The following PLPP3 variants were observed in gnomAD, a reference collection of about 807,000 sequenced individuals.
PLPP3 encodes phospholipid phosphatase 3.
Under a neutral mutation model 29.6 loss-of-function variants are expected in PLPP3, and 6 were observed. The observed-to-expected ratio is 0.20, with a 90% CI of 0.11 to 0.40. The LOEUF (loss-of-function observed/expected upper bound fraction) is 0.40. PLPP3 is among the 10% of genes least tolerant of loss of function. The pLI is 1.00. For synonymous variants in PLPP3, 152 were observed against 159.7 expected (o/e 0.95, Z 0.36); for missense variants, 308 against 407.7 (o/e 0.76, Z 2.11).
chr1:56,574,905 T>C (rs1381855205), intron 1 of PLPP3, among the ~76,000 whole-genome samples: 1 of 152,224 alleles, frequency 6.6e-6, no homozygotes, highest in Non-Finnish European at 1.5e-5. Flanking sequence ...CACTGAAAGA[T>C]GGTCTAGTTC....
At chr1:56,541,926 G>A (rs1014189525) in intron 1 of PLPP3, among the ~76,000 whole-genome samples, 4 of 145,356 alleles carry the variant, frequency 2.8e-5, no homozygotes, top group Non-Finnish European at 6.0e-5. Context: ...AAATGTATTC[G>A]TAATAAAAGG....
intron 1 of PLPP3, among the ~76,000 whole-genome samples, chr1:56,549,235 T>C (rs1468714266): frequency 6.6e-6 from 1 of 152,158 alleles, no homozygotes; most frequent in East Asian, 1.9e-4. Context: ...GGCCGTTCTT[T>C]TTGCCTACTG....
chr1:56,511,959 G>C lies in PLPP3; in HGVS notation c.810+17C>G. 1 of 1,612,650 alleles carries C rather than the reference G, an allele frequency of 6.2e-7. No homozygotes were observed. Among genetic ancestry groups the C allele is most frequent in the Non-Finnish European group, 8.5e-7 (1 of 1,179,182 alleles). Reference sequence around the variant, plus strand: ...TCCAGGGCTCCACTTGCATATTGAGGACAAGATGCTACTTACTATGCAGCA... The same window carrying C: ...TCCAGGGCTCCACTTGCATATTGAGCACAAGATGCTACTTACTATGCAGCA... On this transcript the variant is annotated intron_variant, in intron 5 of 5. Transcript: ENST00000371250.
intron 1 of PLPP3, chr1:56,538,555 A>C: frequency 2.6e-6 from 1 of 385,172 alleles, no homozygotes; most frequent in Non-Finnish European, 5.1e-6. Context: ...AGAATCTATG[A>C]GAAAGGTGAT....
chr1:56,578,835 G>A (rs755769270), intron 1 of PLPP3, 43 bp downstream of exon 1: 46 of 1,495,268 alleles, frequency 3.1e-5, no homozygotes, highest in Middle Eastern at 3.9e-4. Context: ...CGCGCCGAGG[G>A]ACGAGGGGCC....
At position 56,495,227 on chromosome 1, in the gene PLPP3, A is replaced by G. The variant is rs1050189370; in HGVS notation, c.*1324T>C. The G allele has an allele frequency of 3.9e-5, 6 of 152,634 alleles. No homozygotes were observed. Among genetic ancestry groups the G allele is most frequent in the African/African-American group, 1.2e-4 (5 of 41,458 alleles). The allele number at this position is 152,634 out of a possible 1,614,324, so 9.5% of individuals were successfully genotyped here. ...AAGGATGTGCATGTGGTTGATCCAT[A>G]TGGTTACATTTAACCCTTTGAAAGG... On this transcript the variant is annotated 3_prime_UTR_variant, in exon 6 of 6. Transcript: ENST00000371250.
At chr1:56,551,443 CA>C (rs1277471199) in intron 1 of PLPP3, among the ~76,000 whole-genome samples, 2 of 152,096 alleles carry the variant, frequency 1.3e-5, no homozygotes, top group African/African-American at 4.8e-5. Context: ...ATCTTCAAGA[CA>C]GGTCCTGCAG....
At chr1:56,507,874 G>T (rs1180665984) in intron 5 of PLPP3, among the ~76,000 whole-genome samples, 1 of 152,158 alleles carries the variant, frequency 6.6e-6, no homozygotes, top group Non-Finnish European at 1.5e-5. Context: ...GAGAGAGGGA[G>T]AAGTGAAGAT....
intron 5 of PLPP3, among the ~76,000 whole-genome samples, chr1:56,505,932 G>A (rs1036551506): frequency 6.6e-6 from 1 of 152,106 alleles, no homozygotes; most frequent in East Asian, 1.9e-4. Context: ...ATCTATTGGC[G>A]GCCAAAGTTT....
chr1:56,532,645 A>C (rs1255053590), intron 2 of PLPP3, among the ~76,000 whole-genome samples: 3 of 152,156 alleles, frequency 2.0e-5, no homozygotes, highest in African/African-American at 7.2e-5. Context: ...TGAGATTTTA[A>C]GGAAGAAAAC....
At chr1:56,517,297 G>A (rs553748054) in intron 4 of PLPP3, among the ~76,000 whole-genome samples, 3 of 152,192 alleles carry the variant, frequency 2.0e-5, no homozygotes, top group Non-Finnish European at 4.4e-5. Context: ...CATGTGCCTG[G>A]TGGGTAGCTT....
intron 1 of PLPP3, among the ~76,000 whole-genome samples, chr1:56,559,308 A>G (rs1646105665): frequency 6.6e-6 from 1 of 152,254 alleles, no homozygotes; most frequent in African/African-American, 2.4e-5. Flanking sequence ...ATACCTGTGC[A>G]TTCAAAATAA....
rs374973563 is a variant in PLPP3 at position 56,551,379 on chromosome 1, A to G, written c.140-14267T>C. Among the ~76,000 whole-genome samples, 28 of 148,476 alleles carry G rather than the reference A, an allele frequency of 1.9e-4. No homozygotes were observed. The East Asian group carries it at 2.9e-3, about 15-fold the overall frequency. On this transcript the variant is annotated intron_variant, in intron 1 of 5. Transcript: ENST00000371250. ...AAGTCCCTCCCCTTCCACCTCTGCCAAGTCCTGGCAGTGTGATACTTGATT... is the reference window on the plus strand; with the variant it reads ...AAGTCCCTCCCCTTCCACCTCTGCCGAGTCCTGGCAGTGTGATACTTGATT...
chr1:56,501,065 C>T (rs999541235), intron 5 of PLPP3, among the ~76,000 whole-genome samples: 22 of 138,762 alleles, frequency 1.6e-4, no homozygotes, highest in African/African-American at 6.0e-4. Context: ...GAGACGGAGT[C>T]AAAAAGCATG....
intron 1 of PLPP3, among the ~76,000 whole-genome samples, chr1:56,537,707 A>G (rs1028513804): frequency 2.6e-5 from 4 of 151,518 alleles, no homozygotes; most frequent in Admixed American, 2.0e-4. Flanking sequence ...CCTCTAGCAC[A>G]GTGCCTGGCA....
intron 5 of PLPP3, among the ~76,000 whole-genome samples, chr1:56,511,076 AAT>A (rs1188705423): frequency 1.3e-5 from 2 of 152,216 alleles, no homozygotes; most frequent in Admixed American, 6.5e-5. Context: ...GTGGTGCTTA[AAT>A]ATCCAGCCAT....
chr1:56,507,498 A>G (rs770325289), intron 5 of PLPP3, among the ~76,000 whole-genome samples: 2 of 152,142 alleles, frequency 1.3e-5, no homozygotes, highest in Non-Finnish European at 2.9e-5. Context: ...GGCACCCACA[A>G]TCTAGCTGAA....
chr1:56,577,415 C>A (rs1480400147), intron 1 of PLPP3, among the ~76,000 whole-genome samples: 1 of 152,126 alleles, frequency 6.6e-6, no homozygotes, highest in African/African-American at 2.4e-5. Flanking sequence ...TCCTTTCCAC[C>A]CCTCCACCCT....
chr1:56,552,676 T>C (rs1646049186), intron 1 of PLPP3, among the ~76,000 whole-genome samples: 1 of 152,154 alleles, frequency 6.6e-6, no homozygotes, highest in Non-Finnish European at 1.5e-5. Context: ...CCCTTTCTCA[T>C]CAGCCTAGTT....
Sources: gnomAD v4.1 joint callset for allele counts (sites outside exome capture counted in the v4.1 genomes callset) on GRCh38, gnomAD v4.1.1 for gene constraint, MANE v1.5 for transcripts, NCBI Gene and HGNC (gene_info 2026-07-23, HGNC 2026-07-21) for gene names.